Variants in CCDC175 observed in about 807,000 individuals in gnomAD.
The protein encoded by CCDC175 is coiled-coil domain containing 175.
CCDC175 carries 100 observed loss-of-function variants against 114.6 expected under a neutral mutation model. The ratio of observed to expected loss-of-function variants is 0.87; its 90% CI spans 0.74 to 1.03. CCDC175 has a LOEUF of 1.03. Among genes scored for constraint, CCDC175 ranks in the 50% least tolerant of loss-of-function variants. The pLI, the probability that CCDC175 is intolerant of heterozygous loss-of-function variation, is 0.00. For synonymous variants in CCDC175, 306 were observed against 308.7 expected (o/e 0.99, Z 0.09); for missense variants, 880 against 917.8 (o/e 0.96, Z 0.53).
Position 59,572,691 on chromosome 14 carries a change from C to T in CCDC175, c.355+11G>A. 7.1e-7 allele frequency: 1 copy of T among 1,413,118 alleles called. No individual in the cohort carries two copies. The highest frequency in any genetic ancestry group is 1.4e-5 in the South Asian group (1 of 72,540). The allele number at this position is 1,413,118 out of a possible 1,614,324, so 87.5% of individuals were successfully genotyped here. A position where few individuals can be genotyped will look rare whatever the true frequency, so the allele number is the denominator to read the frequency against. On this transcript the variant is annotated intron_variant, in intron 3 of 19. Coordinates refer to ENST00000537690, the MANE Select transcript of CCDC175 (RefSeq NM_001164399.2). ...CAACTAAATTTCTAGAGTTGATAAC[C>T]TCAAAAGTACCTTCCAATTCCCTCT...
chr14:59,538,729 A>G lies in CCDC175; in HGVS notation c.1467T>C (p.Val489=). 1 of 1,536,356 alleles carries G rather than the reference A, an allele frequency of 6.5e-7. No homozygotes were observed. The change falls in exon 12 of 20, where the codon GTT becomes GTC. Residue 489 remains valine, a synonymous_variant. Coordinates refer to ENST00000537690, the MANE Select transcript of CCDC175 (RefSeq NM_001164399.2). ...CCTCGTTAAGTAATTCAATTCGTCT[A>G]ACTTCTGCATTCTGAATTTTTTCTG... ...AITEKIQNAE[V]RRIELLNETS... is the part of the protein sequence containing the mutation.
chr14:59,509,921 T>A (rs952434188), intron 19 of CCDC175, among the ~76,000 whole-genome samples: 1 of 152,244 alleles, frequency 6.6e-6, no homozygotes, highest in Non-Finnish European at 1.5e-5. Context: ...TTTGTACACT[T>A]GCCAGATGAC....
At position 59,531,837 on chromosome 14, in the gene CCDC175, T is replaced by C; in HGVS notation, c.1697A>G (p.Gln566Arg). 6.8e-7 allele frequency: 1 copy of C among 1,465,044 alleles called. No homozygotes were observed. Among genetic ancestry groups the C allele is most frequent in the Non-Finnish European group, 9.2e-7 (1 of 1,084,198 alleles). 90.8% of individuals were successfully genotyped at this position (1,465,044 alleles called of 1,614,324 possible). The change falls in exon 14 of 20, where the codon CAG becomes CGG. Residue 566 changes from glutamine to arginine, a missense_variant. Transcript: ENST00000537690. ...EELVEYLPQL[Q>R]VAEQEYKEKR... ...CTCTTTATACTCTTGTTCTGCCACC[T>C]GAAGTTGTGGAAGATACTCAACTAG...
In CCDC175 at chr14:59,543,356, TG is replaced by T; in HGVS notation, c.1270del (p.Gln424ArgfsTer18). On this transcript the variant is annotated frameshift_variant, in exon 10 of 20. Coordinates refer to ENST00000537690, the MANE Select transcript of CCDC175 (RefSeq NM_001164399.2). LOFTEE classifies it high-confidence loss of function. ...KNMEEGLITL[Q>X]ELQQATKTVY... ...GCAACAAACATACTGTTGAAGTTCC[TG>T]GAGTGTGATGAGTCCTTCTTCCATA... The T allele has an allele frequency of 7.4e-7, 1 of 1,355,310 alleles. No individual in the cohort carries two copies. The highest frequency in any genetic ancestry group is 9.9e-7 in the Non-Finnish European group (1 of 1,013,276). 84.0% of individuals were successfully genotyped at this position (1,355,310 alleles called of 1,614,324 possible).
intron 13 of CCDC175, among the ~76,000 whole-genome samples, chr14:59,535,116 T>A (rs576604760): frequency 6.6e-6 from 1 of 152,210 alleles, no homozygotes; most frequent in Non-Finnish European, 1.5e-5. Context: ...GGGATTACAA[T>A]GTGCCTGAGG....
chr14:59,538,844 G>C lies in CCDC175; in HGVS notation c.1356-4C>G. 1.3e-6 allele frequency: 2 copies of C among 1,525,846 alleles called. No individual in the cohort carries two copies. The highest frequency in any genetic ancestry group is 2.5e-5 in the South Asian group (2 of 80,902). The allele number at this position is 1,525,846 out of a possible 1,614,324, so 94.5% of individuals were successfully genotyped here. ...CATTTTCCACTGAGTTATAACACTAGAGATTAGAGCAAAAAGAATTGCCAT... is the reference window on the plus strand; with the variant it reads ...CATTTTCCACTGAGTTATAACACTACAGATTAGAGCAAAAAGAATTGCCAT... On this transcript the variant is annotated splice_polypyrimidine_tract_variant and splice_region_variant and intron_variant, in intron 11 of 19. Coordinates refer to ENST00000537690, the MANE Select transcript of CCDC175 (RefSeq NM_001164399.2).
In CCDC175 at chr14:59,563,754, C is replaced by A; in HGVS notation, c.826G>T (p.Val276Phe). The change falls in exon 6 of 20, where the codon GTT becomes TTT. Residue 276 changes from valine to phenylalanine, a missense_variant. By Grantham distance (50) the Val-to-Phe change is conservative. Coordinates refer to ENST00000537690, the MANE Select transcript of CCDC175 (RefSeq NM_001164399.2). ...QTKMSKIKET[V>F]TVSAAVLSDH... is the part of the protein sequence containing the mutation. ...TTTCTTACCGCTGCGGAAACAGTAA[C>A]TGTTTCTTTTATTTTTGACATTTTA... The A allele has an allele frequency of 7.0e-7, 1 of 1,429,874 alleles. No homozygotes were observed. Among genetic ancestry groups the A allele is most frequent in the Non-Finnish European group, 9.1e-7 (1 of 1,094,234 alleles). The allele number at this position is 1,429,874 out of a possible 1,614,324, so 88.6% of individuals were successfully genotyped here. A position where few individuals can be genotyped will look rare whatever the true frequency, so the allele number is the denominator to read the frequency against.
chr14:59,525,500 G>A, intron 15 of CCDC175, 66 bp from the exon 16 acceptor site: 1 of 1,101,664 alleles, frequency 9.1e-7, no homozygotes. Flanking sequence ...GTATTATACT[G>A]CCTAGGTCAC....
In CCDC175 at chr14:59,527,087, T is replaced by A; in HGVS notation, c.1842+8A>T. On this transcript the variant is annotated splice_region_variant and intron_variant, in intron 15 of 19. Coordinates refer to ENST00000537690, the MANE Select transcript of CCDC175 (RefSeq NM_001164399.2). ...ATAAAAAAAAGAATTAATGCATTGATCTTTTACCATGTTGCTAATGTATCT... is the reference window on the plus strand; with the variant it reads ...ATAAAAAAAAGAATTAATGCATTGAACTTTTACCATGTTGCTAATGTATCT... 1 of 1,363,214 alleles carries A rather than the reference T, an allele frequency of 7.3e-7. No individual in the cohort carries two copies. 84.4% of individuals were successfully genotyped at this position (1,363,214 alleles called of 1,614,324 possible). A position where few individuals can be genotyped will look rare whatever the true frequency, so the allele number is the denominator to read the frequency against.
chr14:59,558,927 A>G (rs1896073392), intron 7 of CCDC175, among the ~76,000 whole-genome samples: 1 of 152,206 alleles, frequency 6.6e-6, no homozygotes, highest in African/African-American at 2.4e-5. Flanking sequence ...AGCAGCAGCC[A>G]GTGTGATCAG....
intron 17 of CCDC175, among the ~76,000 whole-genome samples, chr14:59,520,024 A>G (rs115089415): frequency 1.3e-5 from 2 of 152,242 alleles, no homozygotes; most frequent in Non-Finnish European, 2.9e-5. Context: ...AATTACCCTC[A>G]GCCTTCAAGT....
intron 10 of CCDC175, among the ~76,000 whole-genome samples, chr14:59,542,228 T>C (rs1367572887): frequency 6.6e-6 from 1 of 152,218 alleles, no homozygotes; most frequent in Non-Finnish European, 1.5e-5. Flanking sequence ...GATTTCACTT[T>C]CATGCCCGAC....
At chr14:59,539,203 C>A (rs1253459292) in intron 11 of CCDC175, among the ~76,000 whole-genome samples, 1 of 152,206 alleles carries the variant, frequency 6.6e-6, no homozygotes, top group African/African-American at 2.4e-5. Context: ...GGATGTGCTA[C>A]TGATAGATTT....
At chr14:59,571,891 A>C (rs1896868388) in intron 3 of CCDC175, among the ~76,000 whole-genome samples, 1 of 152,182 alleles carries the variant, frequency 6.6e-6, no homozygotes, top group African/African-American at 2.4e-5. Context: ...TGAAAACTGA[A>C]ATGCTCCAAA....
chr14:59,525,159 G>T, intron 16 of CCDC175, 123 bp downstream of exon 16: 1 of 711,386 alleles, frequency 1.4e-6, no homozygotes, highest in Non-Finnish European at 2.1e-6. Flanking sequence ...GCACTTTTCT[G>T]TGTGTACTTT....
rs746346733 is a variant in CCDC175 at position 59,510,747 on chromosome 14, C to T, written c.2204G>A (p.Arg735His). 2.9e-5 allele frequency: 45 copies of T among 1,537,214 alleles called. No homozygotes were observed. In the Middle Eastern group the frequency reaches 5.0e-4, roughly 17 times the overall value. ...ATGCTGCATTTTTTCATCTCTTTCA[C>T]GCAGCTTGTCTGTTAGATTGTTTAT... Reference protein sequence around the residue: ...QDINNLTDKLRERDEKMQHVS... With the variant: ...QDINNLTDKLHERDEKMQHVS... Residue 735 changes from arginine to histidine, a missense_variant, in exon 19 of 20, where the codon CGT becomes CAT. Arg to His is a conservative substitution (Grantham distance 29, BLOSUM62 0). Coordinates refer to ENST00000537690, the MANE Select transcript of CCDC175 (RefSeq NM_001164399.2).
intron 9 of CCDC175, 76 bp downstream of exon 9, chr14:59,545,087 G>A (rs1304939743): frequency 7.5e-7 from 1 of 1,339,526 alleles, no homozygotes; most frequent in African/African-American, 1.5e-5. Context: ...TTTAAGTGGA[G>A]AGCCACCACT....
chr14:59,560,424 A>G (rs1399317413), intron 7 of CCDC175, among the ~76,000 whole-genome samples: 1 of 152,124 alleles, frequency 6.6e-6, no homozygotes, highest in Non-Finnish European at 1.5e-5. Flanking sequence ...TCAGGAACCA[A>G]AGCTGAGCCA....
intron 6 of CCDC175, 50 bp downstream of exon 6, chr14:59,563,687 T>C: frequency 8.6e-7 from 1 of 1,160,182 alleles, no homozygotes; most frequent in Non-Finnish European, 1.1e-6. Context: ...CCTTTTTTAT[T>C]GAGGTGCCTA....
Sources: allele counts gnomAD v4.1 joint callset (sites outside exome capture counted in the v4.1 genomes callset), GRCh38; gene constraint gnomAD v4.1.1; transcripts MANE v1.5; gene names NCBI Gene and HGNC (gene_info 2026-07-23, HGNC 2026-07-21).